The following LRRC1 variants were observed in gnomAD, a reference collection of about 807,000 sequenced individuals.
The protein encoded by LRRC1 is leucine-rich repeat-containing protein 1.
Under a neutral mutation model 69.9 loss-of-function variants are expected in LRRC1, and 28 were observed. The ratio of observed to expected loss-of-function variants is 0.40; its 90% CI spans 0.30 to 0.55. The LOEUF (loss-of-function observed/expected upper bound fraction) is 0.55, where lower values mean the gene tolerates loss of function less well. LRRC1 is among the 20% of genes least tolerant of loss of function. The probability of loss-of-function intolerance (pLI) is 0.47; values close to 1 mark genes in which losing one functional copy is unlikely to be tolerated. For missense variants in LRRC1, 498 were observed against 609.0 expected, an observed-to-expected ratio of 0.82 and a Z score of 1.92; for synonymous variants, 236 against 240.2, an observed-to-expected ratio of 0.98 and a Z score of 0.16.
chr6:53,912,468 G>A (rs981990370), intron 10 of LRRC1, among the ~76,000 whole-genome samples: 7 of 152,102 alleles, frequency 4.6e-5, no homozygotes, highest in Admixed American at 1.3e-4. Flanking sequence ...ATGTGAATGC[G>A]GAGACTAAAG....
intron 1 of LRRC1, among the ~76,000 whole-genome samples, chr6:53,810,887 A>G (rs1005884400): frequency 2.9e-4 from 44 of 152,170 alleles, no homozygotes; most frequent in African/African-American, 9.6e-4. Flanking sequence ...AAACCCTCCC[A>G]GGTCTCCAAT....
At chr6:53,828,607 G>C (rs1422293076) in intron 1 of LRRC1, among the ~76,000 whole-genome samples, 1 of 152,184 alleles carries the variant, frequency 6.6e-6, no homozygotes, top group Non-Finnish European at 1.5e-5. Context: ...TAGCTCACTT[G>C]TTGCTTTGTT....
chr6:53,903,241 T>C (rs2127437989), intron 9 of LRRC1, among the ~76,000 whole-genome samples: 1 of 152,244 alleles, frequency 6.6e-6, no homozygotes, highest in Non-Finnish European at 1.5e-5. Context: ...TCTGATGGGC[T>C]CTGGTTAAGG....
chr6:53,863,335 C>A (rs1443495188), intron 2 of LRRC1, among the ~76,000 whole-genome samples: 1 of 152,184 alleles, frequency 6.6e-6, no homozygotes, highest in Non-Finnish European at 1.5e-5. Context: ...CACCTCATTT[C>A]CTTCTTAGGA....
intron 1 of LRRC1, among the ~76,000 whole-genome samples, chr6:53,797,862 G>A (rs1343716500): frequency 6.6e-6 from 1 of 152,184 alleles, no homozygotes; most frequent in Non-Finnish European, 1.5e-5. Context: ...GCAGTTGCTG[G>A]TGGGTCTTGT....
At chr6:53,846,454 G>T (rs916392617) in intron 2 of LRRC1, among the ~76,000 whole-genome samples, 26 of 152,208 alleles carry the variant, frequency 1.7e-4, no homozygotes, top group African/African-American at 6.3e-4. Context: ...GTCAGCACGC[G>T]GTCGACTTTG....
intron 9 of LRRC1, 102 bp downstream of exon 9, chr6:53,902,849 C>A: frequency 4.1e-6 from 3 of 728,596 alleles, no homozygotes; most frequent in Non-Finnish European, 4.5e-6. Flanking sequence ...TATTACATCC[C>A]AAAACGGTCT....
intron 1 of LRRC1, among the ~76,000 whole-genome samples, chr6:53,814,066 A>G (rs535852071): frequency 2.3e-4 from 35 of 152,198 alleles, no homozygotes; most frequent in African/African-American, 8.4e-4. Context: ...GCTTATTTAC[A>G]GCATTTTCTT....
intron 2 of LRRC1, among the ~76,000 whole-genome samples, chr6:53,878,661 C>T (rs1260234637): frequency 6.6e-6 from 1 of 152,190 alleles, no homozygotes; most frequent in Non-Finnish European, 1.5e-5. Flanking sequence ...CTGCCGCTCA[C>T]CTCCTGCTGT....
At chr6:53,795,465 T>A in intron 1 of LRRC1, 50 bp downstream of exon 1, 1 of 1,555,980 alleles carries the variant, frequency 6.4e-7, no homozygotes, top group East Asian at 2.3e-5. Context: ...CTGCTGTCCC[T>A]TCCGCTCCCA....
intron 1 of LRRC1, among the ~76,000 whole-genome samples, chr6:53,830,535 C>T (rs1403134088): frequency 6.6e-6 from 1 of 152,118 alleles, no homozygotes; most frequent in Non-Finnish European, 1.5e-5. Context: ...AGATCTGTTT[C>T]GTGTTTGCAT....
intron 2 of LRRC1, among the ~76,000 whole-genome samples, chr6:53,858,436 C>T (rs1300032490): frequency 6.6e-6 from 1 of 152,112 alleles, no homozygotes; most frequent in Non-Finnish European, 1.5e-5. Context: ...TGATAACCCT[C>T]TCCCCCTCTG....
At position 53,882,925 on chromosome 6, in the gene LRRC1, G is replaced by A. The variant is rs1767348154; in HGVS notation, c.395G>A (p.Cys132Tyr). Residue 132 changes from cysteine (C) to tyrosine (Y), a missense_variant, in exon 4 of 14, where the codon TGT (cysteine) becomes TAT (tyrosine). Cys to Tyr is a radical substitution (Grantham distance 194). Coordinates refer to ENST00000370888, the MANE Select transcript of LRRC1 (RefSeq NM_018214.5). ...TTTCCTGAATTACAGAATTTAACAT[G>A]TCTTTCTGTAAATGACATCTCACTA... is the stretch of plus-strand genomic sequence containing the variant. ...ESFPELQNLT[C>Y]LSVNDISLQS... is the part of the protein sequence containing the mutation. 1.2e-6 allele frequency: 2 copies of A among 1,608,186 alleles called. No individual in the cohort carries two copies. Among genetic ancestry groups the A allele is most frequent in the Non-Finnish European group, 1.7e-6 (2 of 1,178,534 alleles).
At chr6:53,867,494 G>C (rs553753502) in intron 2 of LRRC1, among the ~76,000 whole-genome samples, 1 of 152,160 alleles carries the variant, frequency 6.6e-6, no homozygotes, top group South Asian at 2.1e-4. Flanking sequence ...GCTTAGAGTG[G>C]GGTCAGAATT....
chr6:53,884,043 C>A (rs1049438776), intron 4 of LRRC1: 60 of 715,972 alleles, frequency 8.4e-5, no homozygotes, highest in Admixed American at 5.4e-4. Flanking sequence ...ATTAGACTTG[C>A]TAATTAAAAA....
At chr6:53,876,740 T>C (rs952463593) in intron 2 of LRRC1, among the ~76,000 whole-genome samples, 5 of 152,222 alleles carry the variant, frequency 3.3e-5, no homozygotes, top group African/African-American at 1.2e-4. Context: ...GTCATGCTGA[T>C]GTAAGAGGTA....
In LRRC1 at chr6:53,905,710, C is replaced by T. The variant is rs1035069815; in HGVS notation, c.990+1248C>T. 4.6e-5 allele frequency among the ~76,000 whole-genome samples: 7 copies of T among 152,154 alleles called. 1 individual carries two copies. Among genetic ancestry groups the T allele is most frequent in the African/African-American group, 1.4e-4 (6 of 41,416 alleles). On this transcript the variant is annotated intron_variant, in intron 10 of 13. Transcript: ENST00000370888. ...TCTTTCCTTTCCTCATCTTGGTGTTCGGCCCACAGTGTCCCAGTCTTCTCC... is the reference window on the plus strand; with the variant it reads ...TCTTTCCTTTCCTCATCTTGGTGTTTGGCCCACAGTGTCCCAGTCTTCTCC...
intron 2 of LRRC1, among the ~76,000 whole-genome samples, chr6:53,843,266 T>C (rs778665222): frequency 6.6e-6 from 1 of 152,256 alleles, no homozygotes; most frequent in African/African-American, 2.4e-5. Flanking sequence ...TCTTCTGAAT[T>C]GATTATCTTT....
chr6:53,883,854 GCA>G (rs1027325888), intron 4 of LRRC1: 6 of 711,854 alleles, frequency 8.4e-6, no homozygotes, highest in African/African-American at 1.8e-5. Context: ...AAGCAGTTGA[GCA>G]CAGTCTGACA....
Sources: allele counts gnomAD v4.1 joint callset (sites outside exome capture counted in the v4.1 genomes callset), GRCh38; gene constraint gnomAD v4.1.1; transcripts MANE v1.5; gene names NCBI Gene and HGNC (gene_info 2026-07-23, HGNC 2026-07-21).